COG3: variants seen among roughly 807,000 people sequenced by gnomAD.
COG3 encodes conserved oligomeric Golgi complex subunit 3.
A neutral mutation model predicts 114.1 loss-of-function variants in COG3; 32 were observed. That is an observed-to-expected ratio of 0.28 (90% CI 0.21 to 0.38). The LOEUF (loss-of-function observed/expected upper bound fraction) is 0.38. COG3 is among the 10% of genes least tolerant of loss of function. COG3 has a pLI of 1.00. For synonymous variants in COG3, 352 were observed against 365.7 expected (o/e 0.96, Z 0.43); for missense variants, 813 against 973.2 (o/e 0.84, Z 2.19).
chr13:45,470,978 G>C (rs1208170791), intron 1 of COG3, among the ~76,000 whole-genome samples: 1 of 152,244 alleles, frequency 6.6e-6, no homozygotes, highest in Non-Finnish European at 1.5e-5. Context: ...TTTGACTTAG[G>C]ATATTTTCAA....
At chr13:45,515,733 C>A (rs1234232099) in intron 16 of COG3, among the ~76,000 whole-genome samples, 1 of 152,184 alleles carries the variant, frequency 6.6e-6, no homozygotes, top group Non-Finnish European at 1.5e-5. Flanking sequence ...ATAGTGAAAG[C>A]CATGTTCCTG....
chr13:45,535,532 G>A lies in COG3; in HGVS notation c.*801G>A, dbSNP rs187442186. 2.0e-6 allele frequency: 2 copies of A among 985,382 alleles called. No individual in the cohort carries two copies. Among genetic ancestry groups the A allele is most frequent in the East Asian group, 2.3e-4 (2 of 8,820 alleles). The allele number at this position is 985,382 out of a possible 1,614,324, so 61.0% of individuals were successfully genotyped here. ...TAAATTTGGCGCATAGAGGAGAGAA[G>A]GAAACCTGAGGAGTAGTGTTCCTCC... On this transcript the variant is annotated 3_prime_UTR_variant, in exon 23 of 23. Coordinates refer to ENST00000349995, the MANE Select transcript of COG3 (RefSeq NM_031431.4).
At position 45,482,472 on chromosome 13, in the gene COG3, A is replaced by G; in HGVS notation, c.716A>G (p.His239Arg). 7.2e-7 allele frequency: 1 copy of G among 1,395,398 alleles called. No individual in the cohort carries two copies. Among genetic ancestry groups the G allele is most frequent in the Admixed American group, 1.9e-5 (1 of 51,402 alleles). 86.4% of individuals were successfully genotyped at this position (1,395,398 alleles called of 1,614,324 possible). The change falls in exon 6 of 23, where the codon CAT becomes CGT. Residue 239 changes from histidine (H) to arginine (R), a missense_variant and splice_region_variant. By Grantham distance (29) the His-to-Arg change is conservative. Coordinates refer to ENST00000349995, the MANE Select transcript of COG3 (RefSeq NM_031431.4). ...LDDCITYISS[H>R]PNFKDYPIYL... is the part of the protein sequence containing the mutation. ...GATTGTATAACATATATCTCATCTC[A>G]TGTAAGTCAGAGTATTTTTGCATGT...
At chr13:45,475,021 A>G (rs974650520) in intron 1 of COG3, among the ~76,000 whole-genome samples, 1 of 152,144 alleles carries the variant, frequency 6.6e-6, no homozygotes, top group African/African-American at 2.4e-5. Context: ...TGTAGGTCTA[A>G]TATTGTCAAA....
intron 13 of COG3, among the ~76,000 whole-genome samples, chr13:45,502,767 C>G (rs1314816069): frequency 6.6e-6 from 1 of 152,080 alleles, no homozygotes; most frequent in Admixed American, 6.6e-5. Context: ...GTCTTTTATG[C>G]CTTACCTGCC....
chr13:45,495,779 G>T (rs1312762688), intron 12 of COG3, among the ~76,000 whole-genome samples: 4 of 152,014 alleles, frequency 2.6e-5, no homozygotes, highest in Non-Finnish European at 5.9e-5. Context: ...CAATATCTGT[G>T]GTACTCAATT....
At chr13:45,487,883 G>A (rs1489854291) in intron 8 of COG3, among the ~76,000 whole-genome samples, 1 of 152,154 alleles carries the variant, frequency 6.6e-6, no homozygotes, top group Non-Finnish European at 1.5e-5. Context: ...CCTCTACTGG[G>A]TATTTATCCA....
chr13:45,488,805 A>G (rs555965640), intron 8 of COG3, among the ~76,000 whole-genome samples: 3 of 152,102 alleles, frequency 2.0e-5, no homozygotes, highest in African/African-American at 4.8e-5. Flanking sequence ...GTGCATATAT[A>G]TTCTTTCTAC....
chr13:45,516,699 C>T (rs756341387), intron 17 of COG3, among the ~76,000 whole-genome samples: 21 of 152,150 alleles, frequency 1.4e-4, no homozygotes, highest in Non-Finnish European at 2.6e-4. Flanking sequence ...GGGTTTTCTT[C>T]CTGTCCCATC....
chr13:45,467,260 TCTG>T (rs1885197398), intron 1 of COG3, among the ~76,000 whole-genome samples: 1 of 152,186 alleles, frequency 6.6e-6, no homozygotes, highest in Non-Finnish European at 1.5e-5. Flanking sequence ...GTGAGGGTCT[TCTG>T]GTACGTGCAG....
chr13:45,466,361 T>C (rs1885141341), intron 1 of COG3, among the ~76,000 whole-genome samples: 2 of 152,116 alleles, frequency 1.3e-5, no homozygotes, highest in Non-Finnish European at 2.9e-5. Flanking sequence ...TTTATACGAT[T>C]TGGAATTGTG....
intron 2 of COG3, among the ~76,000 whole-genome samples, chr13:45,478,229 T>G (rs576364393): frequency 6.6e-6 from 1 of 150,530 alleles, no homozygotes; most frequent in African/African-American, 2.4e-5. Flanking sequence ...TCTCGCTCTG[T>G]CACCCAAACT....
At chr13:45,519,274 A>G (rs921483173) in intron 19 of COG3, among the ~76,000 whole-genome samples, 180 bp downstream of exon 19, 1 of 152,192 alleles carries the variant, frequency 6.6e-6, no homozygotes, top group African/African-American at 2.4e-5. Context: ...GGACTTTTAG[A>G]TATGCTTGCA....
At chr13:45,470,202 A>G (rs117856945) in intron 1 of COG3, among the ~76,000 whole-genome samples, 1 of 152,330 alleles carries the variant, frequency 6.6e-6, no homozygotes, top group East Asian at 1.9e-4. Flanking sequence ...GGTTTAAGGT[A>G]TACTTCCTTT....
At chr13:45,495,718 A>G (rs1401314355) in intron 12 of COG3, among the ~76,000 whole-genome samples, 1 of 152,176 alleles carries the variant, frequency 6.6e-6, no homozygotes, top group African/African-American at 2.4e-5. Context: ...AAGTAAACTC[A>G]TACTTTATTT....
chr13:45,523,063 A>G (rs1872332780), intron 19 of COG3, among the ~76,000 whole-genome samples: 1 of 152,090 alleles, frequency 6.6e-6, no homozygotes. Context: ...GACAAATTTG[A>G]GGTGAAGATT....
intron 17 of COG3, among the ~76,000 whole-genome samples, chr13:45,517,144 A>G (rs1871619839): frequency 6.6e-6 from 1 of 152,206 alleles, no homozygotes; most frequent in Non-Finnish European, 1.5e-5. Context: ...AAACATTTCT[A>G]AGAGATTTAT....
chr13:45,527,615 TCAAA>T (rs1391357953), intron 20 of COG3, among the ~76,000 whole-genome samples: 1 of 152,134 alleles, frequency 6.6e-6, no homozygotes, highest in African/African-American at 2.4e-5. Context: ...CATTTCATGA[TCAAA>T]CAAACTCACA....
chr13:45,488,602 G>GTAA (rs1335198974), intron 8 of COG3, among the ~76,000 whole-genome samples: 1 of 152,170 alleles, frequency 6.6e-6, no homozygotes, highest in African/African-American at 2.4e-5. Context: ...AGATTATGCA[G>GTAA]TAATCCAGGT....
Sources: allele counts gnomAD v4.1 joint callset (sites outside exome capture counted in the v4.1 genomes callset), GRCh38; gene constraint gnomAD v4.1.1; transcripts MANE v1.5; gene names NCBI Gene and HGNC (gene_info 2026-07-23, HGNC 2026-07-21).